Variants in SLC34A2 observed in about 807,000 individuals in gnomAD.
SLC34A2 encodes sodium-dependent phosphate transport protein 2B.
In SLC34A2, 41 loss-of-function variants were observed where a neutral mutation model predicts 50.8. The observed-to-expected ratio is 0.81, with a 90% CI of 0.63 to 1.05. SLC34A2 has a LOEUF of 1.05. SLC34A2 is among the 50% of genes least tolerant of loss of function. SLC34A2 has a pLI of 0.00. For synonymous variants in SLC34A2, 401 were observed against 364.2 expected (o/e 1.10, Z -1.15); for missense variants, 879 against 876.7 (o/e 1.00, Z -0.03).
chr4:25,668,635 C>T (rs1490755733), intron 6 of SLC34A2, among the ~76,000 whole-genome samples: 14 of 140,688 alleles, frequency 1.0e-4, no homozygotes, highest in African/African-American at 3.4e-4. Context: ...GAGTGAGACT[C>T]CATCTAAAAA....
intron 10 of SLC34A2, 92 bp downstream of exon 10, chr4:25,673,346 C>T (rs1714926438): frequency 8.4e-7 from 1 of 1,187,970 alleles, no homozygotes; most frequent in Non-Finnish European, 1.2e-6. Flanking sequence ...ATGGCCTCTG[C>T]ATGGAGTTTC....
At chr4:25,672,414 C>T (rs746417894) in intron 9 of SLC34A2, among the ~76,000 whole-genome samples, 28 of 152,194 alleles carry the variant, frequency 1.8e-4, no homozygotes, top group Non-Finnish European at 3.7e-4. Context: ...AGCTCTTGAA[C>T]GGGCAGTGAG....
rs1028586179 is a variant in SLC34A2 at position 25,664,447 on chromosome 4, G to T, written c.379+117G>T. On this transcript the variant is annotated intron_variant, in intron 4 of 12. Transcript: ENST00000382051. The stretch of plus-strand genomic sequence containing the variant: ...CAGCCTCCTGGAGTGTTTTAGGACT[G>T]GAACCGACCTCAGATCATTTATGAA... 10 of 1,068,666 alleles carry T rather than the reference G, an allele frequency of 9.4e-6. No homozygotes were observed. The East Asian group carries it at 1.7e-4, about 18-fold the overall frequency. The allele number at this position is 1,068,666 out of a possible 1,614,324, so 66.2% of individuals were successfully genotyped here.
In SLC34A2 at chr4:25,676,525, CGCTGCTGCT is replaced by C. The variant is rs757866832; in HGVS notation, c.1858_1866del (p.Cys620_Cys622del). Reference sequence around the variant, plus strand: ...CAAGTTCACCGGCTGCTTCCAGATGCGCTGCTGCTGCTGCTGCCGCGTGTGCTGCCGCGC... The same window carrying C: ...CAAGTTCACCGGCTGCTTCCAGATGCGCTGCTGCCGCGTGTGCTGCCGCGC... On this transcript the variant is annotated inframe_deletion, in exon 13 of 13. Transcript: ENST00000382051. 6.2e-7 allele frequency: 1 copy of C among 1,613,678 alleles called. No individual in the cohort carries two copies. Among genetic ancestry groups the C allele is most frequent in the Non-Finnish European group, 8.5e-7 (1 of 1,179,726 alleles).
intron 10 of SLC34A2, 94 bp from the exon 11 acceptor site, chr4:25,674,201 TG>T: frequency 5.0e-5 from 41 of 813,852 alleles, no homozygotes; most frequent in Non-Finnish European, 8.4e-5. Flanking sequence ...TATGGGATGA[TG>T]TACAACCTCA....
chr4:25,669,856 T>C lies in SLC34A2; in HGVS notation c.831+14T>C, dbSNP rs1003633089. 1 of 1,610,762 alleles carries C rather than the reference T, an allele frequency of 6.2e-7. No individual in the cohort carries two copies. The highest frequency in any genetic ancestry group is 1.3e-5 in the African/African-American group (1 of 74,958). ...CTCATTGTCCAGGTAACTTAGCTCC[T>C]TCAGAGAGAGAAGGAGACTAACTTC... On this transcript the variant is annotated intron_variant, in intron 7 of 12. Transcript: ENST00000382051.
chr4:25,678,424 A>G lies in SLC34A2; in HGVS notation c.*1675A>G, dbSNP rs1577508287. On this transcript the variant is annotated 3_prime_UTR_variant, in exon 13 of 13. Transcript: ENST00000382051. ...AAGAAACCACTTTGTATATTTTGTAATACCACCTCTGTGGCCATGCCTGCC... is the reference window on the plus strand; with the variant it reads ...AAGAAACCACTTTGTATATTTTGTAGTACCACCTCTGTGGCCATGCCTGCC... 6.4e-6 allele frequency: 1 copy of G among 155,918 alleles called. No individual in the cohort carries two copies. Among genetic ancestry groups the G allele is most frequent in the East Asian group, 1.9e-4 (1 of 5,292 alleles). The allele number at this position is 155,918 out of a possible 1,614,324, so 9.7% of individuals were successfully genotyped here. A position where few individuals can be genotyped will look rare whatever the true frequency, so the allele number is the denominator to read the frequency against.
chr4:25,659,140 C>T (rs1714048788), intron 1 of SLC34A2, among the ~76,000 whole-genome samples: 2 of 152,022 alleles, frequency 1.3e-5, no homozygotes, highest in South Asian at 4.2e-4. Flanking sequence ...GCTGTGAGAT[C>T]TGTGGAAAAG....
rs760886614 is a variant in SLC34A2, at chr4:25,674,406, CT to C, written c.1328del (p.Leu443ArgfsTer6). 4 of 1,614,224 alleles carry C rather than the reference CT, an allele frequency of 2.5e-6. No homozygotes were observed. The highest frequency in any genetic ancestry group is 1.1e-5 in the South Asian group (1 of 91,090). ...TGTGTTCACGTCGGCCTTGACCCCC[CT>C]GATTGGTGAGTTACACCCTGGCTTC... is the stretch of plus-strand genomic sequence containing the variant. ...SSVFTSALTPLIGIGVITIER... is the reference protein window; with the variant it reads ...SSVFTSALTPXIGIGVITIER... On this transcript the variant is annotated frameshift_variant, in exon 11 of 13. Coordinates refer to ENST00000382051, the MANE Select transcript of SLC34A2 (RefSeq NM_006424.3). LOFTEE classifies it high-confidence loss of function.
At chr4:25,671,516 C>T (rs550945929) in intron 8 of SLC34A2, 85 bp from the exon 9 acceptor site, 62 of 1,559,886 alleles carry the variant, frequency 4.0e-5, no homozygotes, top group Middle Eastern at 1.7e-4. Context: ...GTGGTGTCTG[C>T]GCCTGTTCAT....
chr4:25,663,642 T>A (rs542494460), intron 3 of SLC34A2, among the ~76,000 whole-genome samples: 1 of 149,012 alleles, frequency 6.7e-6, no homozygotes, highest in African/African-American at 2.5e-5. Context: ...GGAGGAGAGG[T>A]AGGAAGGAAA....
chr4:25,667,794 T>A, intron 5 of SLC34A2, 86 bp from the exon 6 acceptor site: 1 of 848,784 alleles, frequency 1.2e-6, no homozygotes, highest in Non-Finnish European at 2.0e-6. Flanking sequence ...AAAAACTACT[T>A]CTTTAGAGGA....
rs575774944 is a variant in SLC34A2 at position 25,671,735 on chromosome 4, A to C, written c.1048+14A>C. 3 of 1,614,198 alleles carry C rather than the reference A, an allele frequency of 1.9e-6. No homozygotes were observed. The South Asian group carries it at 3.3e-5, about 18-fold the overall frequency. On this transcript the variant is annotated intron_variant, in intron 9 of 12. Transcript: ENST00000382051. ...ACATCGCCAAATGTGAGTGGAGCTCAGTGGATTGGCCACTATGACAGGTGT... is the reference window on the plus strand; with the variant it reads ...ACATCGCCAAATGTGAGTGGAGCTCCGTGGATTGGCCACTATGACAGGTGT...
intron 1 of SLC34A2, among the ~76,000 whole-genome samples, chr4:25,659,789 T>C (rs551028368): frequency 6.6e-6 from 1 of 152,324 alleles, no homozygotes; most frequent in Non-Finnish European, 1.5e-5. Flanking sequence ...CACTGAGCCA[T>C]CTTACCTTTG....
rs371122100 is a variant in SLC34A2 at position 25,662,688 on chromosome 4, C to T, written c.113-17C>T. The T allele has an allele frequency of 5.0e-5, 81 of 1,614,074 alleles. No individual in the cohort carries two copies. The African/African-American group carries it at 9.6e-4, about 19-fold the overall frequency. On this transcript the variant is annotated splice_polypyrimidine_tract_variant and intron_variant, in intron 2 of 12. Coordinates refer to ENST00000382051, the MANE Select transcript of SLC34A2 (RefSeq NM_006424.3). ...GACTCAGGTCTGATTCCTCATTACC[C>T]CTTTTGCTTGTTTCAGCAGATAACA...
At chr4:25,667,390 C>T (rs1714555035) in intron 5 of SLC34A2, among the ~76,000 whole-genome samples, 1 of 152,120 alleles carries the variant, frequency 6.6e-6, no homozygotes, top group Non-Finnish European at 1.5e-5. Context: ...TGCATGCCTC[C>T]AGTCTCAGCT....
At chr4:25,658,738 C>T (rs922910270) in intron 1 of SLC34A2, among the ~76,000 whole-genome samples, 1 of 152,206 alleles carries the variant, frequency 6.6e-6, no homozygotes, top group Admixed American at 6.5e-5. Flanking sequence ...CTTCTCCCTT[C>T]CTCTGCTGCT....
chr4:25,673,512 C>T (rs549089083), intron 10 of SLC34A2, among the ~76,000 whole-genome samples: 42 of 152,152 alleles, frequency 2.8e-4, no homozygotes, highest in Admixed American at 2.3e-3. Context: ...TGAGTCAGGC[C>T]TTCCTTCTTA....
intron 7 of SLC34A2, among the ~76,000 whole-genome samples, chr4:25,670,368 G>A (rs967894722): frequency 6.6e-6 from 1 of 152,160 alleles, no homozygotes; most frequent in African/African-American, 2.4e-5. Context: ...TGGGGTGGAG[G>A]TGCTTCTTAA....
Sources: gnomAD v4.1 joint callset for allele counts (sites outside exome capture counted in the v4.1 genomes callset) on GRCh38, gnomAD v4.1.1 for gene constraint, MANE v1.5 for transcripts, NCBI Gene and HGNC (gene_info 2026-07-23, HGNC 2026-07-21) for gene names.